The following STAU2 variants were observed in gnomAD, a reference collection of about 807,000 sequenced individuals.
STAU2 encodes the protein double-stranded RNA-binding protein Staufen homolog 2.
Under a neutral mutation model 65.9 loss-of-function variants are expected in STAU2, and 20 were observed. The observed-to-expected ratio is 0.30, with a 90% CI of 0.21 to 0.44. The LOEUF (loss-of-function observed/expected upper bound fraction) is 0.44, where lower values mean the gene tolerates loss of function less well. STAU2 is among the 20% of genes least tolerant of loss of function. The pLI, the probability that STAU2 is intolerant of heterozygous loss-of-function variation, is 1.00. For missense variants in STAU2, 558 were observed against 683.9 expected (o/e 0.82, Z 2.05); for synonymous variants, 232 against 233.9 (o/e 0.99, Z 0.07).
At chr8:73,717,397 T>C (rs1227256441) in intron 3 of STAU2, among the ~76,000 whole-genome samples, 1 of 152,234 alleles carries the variant, frequency 6.6e-6, no homozygotes. Context: ...ATTATAGTTT[T>C]AGGTTTTACA....
At chr8:73,739,648 T>C in intron 2 of STAU2, 108 bp downstream of exon 2, 1 of 986,822 alleles carries the variant, frequency 1.0e-6, no homozygotes, top group Non-Finnish European at 1.4e-6. Context: ...CAATTTTTAT[T>C]TATTTTCTAA....
intron 13 of STAU2, among the ~76,000 whole-genome samples, chr8:73,502,315 A>C (rs1821807496): frequency 6.6e-6 from 1 of 151,956 alleles, no homozygotes; most frequent in Non-Finnish European, 1.5e-5. Flanking sequence ...CTTCATATTA[A>C]CTGTTGATAC....
Position 73,709,040 on chromosome 8 carries a change from G to A in STAU2, c.106C>T (p.His36Tyr), listed in dbSNP as rs1285599181. ...YKLLNERGPA[H>Y]SKMFSVQLSL... is the part of the protein sequence containing the mutation. ...TCTCTTCATAACCTTACCTTTGAATGAGCAGGCCCTCTTTCATTCAGAAGT... is the reference window on the plus strand; with the variant it reads ...TCTCTTCATAACCTTACCTTTGAATAAGCAGGCCCTCTTTCATTCAGAAGT... The change falls in exon 4 of 15, where the codon CAT (histidine) becomes TAT (tyrosine). Residue 36 changes from histidine to tyrosine, a missense_variant. Physicochemically the swap from His to Tyr is moderately conservative, Grantham distance 83. Coordinates refer to ENST00000524300, the MANE Select transcript of STAU2 (RefSeq NM_001164380.2). The A allele has an allele frequency of 2.0e-6, 3 of 1,526,744 alleles. No homozygotes were observed. Among genetic ancestry groups the A allele is most frequent in the Non-Finnish European group, 2.6e-6 (3 of 1,142,326 alleles). 94.6% of individuals were successfully genotyped at this position (1,526,744 alleles called of 1,614,324 possible).
At chr8:73,684,108 T>C (rs1246571007) in intron 5 of STAU2, among the ~76,000 whole-genome samples, 6 of 152,118 alleles carry the variant, frequency 3.9e-5, no homozygotes, top group African/African-American at 1.4e-4. Flanking sequence ...GAAAAAACAA[T>C]GCTAAAATTC....
chr8:73,746,445 C>A (rs1365006773), intron 1 of STAU2, among the ~76,000 whole-genome samples: 3 of 151,944 alleles, frequency 2.0e-5, no homozygotes, highest in Non-Finnish European at 4.4e-5. Flanking sequence ...CCTGTCTCCC[C>A]GACCTCCGCA....
At chr8:73,598,112 G>GAC (rs1439335793) in intron 10 of STAU2, among the ~76,000 whole-genome samples, 1 of 151,976 alleles carries the variant, frequency 6.6e-6, no homozygotes, top group African/African-American at 2.4e-5. Flanking sequence ...AAAGATTCAT[G>GAC]ACAAAGTTAG....
chr8:73,634,015 T>C (rs886124923), intron 6 of STAU2, among the ~76,000 whole-genome samples: 4 of 151,920 alleles, frequency 2.6e-5, no homozygotes, highest in Admixed American at 1.3e-4. Flanking sequence ...GCACAAAAAC[T>C]AGCACAGGTT....
chr8:73,569,809 C>T (rs1317817762), intron 12 of STAU2, among the ~76,000 whole-genome samples: 4 of 152,132 alleles, frequency 2.6e-5, no homozygotes, highest in East Asian at 3.9e-4. Flanking sequence ...CCCATCTGTA[C>T]GTCACCATCA....
intron 13 of STAU2, among the ~76,000 whole-genome samples, chr8:73,464,600 GCACA>G (rs770126004): frequency 3.6e-3 from 362 of 101,896 alleles, no homozygotes; most frequent in African/African-American, 0.012. Context: ...GTGTGCACGC[GCACA>G]CACACACACA....
intron 12 of STAU2, among the ~76,000 whole-genome samples, chr8:73,577,725 C>T (rs888676445): frequency 6.6e-6 from 1 of 152,094 alleles, no homozygotes; most frequent in African/African-American, 2.4e-5. Flanking sequence ...TCTGTTTCCC[C>T]AACAGTTGGA....
intron 12 of STAU2, among the ~76,000 whole-genome samples, chr8:73,577,884 G>A (rs1287274378): frequency 6.6e-6 from 1 of 151,766 alleles, no homozygotes; most frequent in African/African-American, 2.4e-5. Context: ...TGGCCATTGG[G>A]GTGTTTGCCT....
intron 4 of STAU2, among the ~76,000 whole-genome samples, chr8:73,701,893 C>G (rs941964283): frequency 6.6e-6 from 1 of 151,950 alleles, no homozygotes. Context: ...ACTATTCAGC[C>G]ATAAAAAAGA....
At chr8:73,482,895 T>G (rs1820708273) in intron 13 of STAU2, among the ~76,000 whole-genome samples, 1 of 148,950 alleles carries the variant, frequency 6.7e-6, no homozygotes, top group Admixed American at 6.6e-5. Context: ...ACAGATGCTA[T>G]TTAACCAACT....
At chr8:73,709,859 T>C (rs891650333) in intron 3 of STAU2, among the ~76,000 whole-genome samples, 6 of 152,128 alleles carry the variant, frequency 3.9e-5, no homozygotes, top group Non-Finnish European at 8.8e-5. Context: ...TTGATGTATG[T>C]GGTTCTAGAC....
intron 13 of STAU2, among the ~76,000 whole-genome samples, chr8:73,493,316 T>C (rs1821237095): frequency 6.6e-6 from 1 of 151,396 alleles, no homozygotes; most frequent in South Asian, 2.1e-4. Flanking sequence ...TGAAAACACA[T>C]TGATAAGAAA....
chr8:73,503,335 A>G lies in STAU2; in HGVS notation c.1530+48677T>C, dbSNP rs147577738. ...GTCAAATTTTAAAACCTCCAAATCA[A>G]TGAGGCTTAAAGTAATAGCAGGGCT... On this transcript the variant is annotated intron_variant, in intron 13 of 14. Transcript: ENST00000524300. Among the ~76,000 whole-genome samples the G allele has an allele frequency of 8.5e-4, 130 of 152,252 alleles. 3 individuals are homozygous for G. Among genetic ancestry groups the G allele is most frequent in the African/African-American group, 2.8e-3 (118 of 41,570 alleles).
intron 13 of STAU2, among the ~76,000 whole-genome samples, chr8:73,538,069 C>A (rs906983983): frequency 1.3e-5 from 2 of 152,220 alleles, no homozygotes; most frequent in East Asian, 3.9e-4. Flanking sequence ...TTGTGAAAGA[C>A]CAAAGAACTG....
At chr8:73,637,175 T>TA (rs57995249) in intron 6 of STAU2, among the ~76,000 whole-genome samples, 37 of 148,836 alleles carry the variant, frequency 2.5e-4, no homozygotes, top group African/African-American at 7.6e-4. Flanking sequence ...TAATTAAAAT[T>TA]AAAAAAAAGG....
chr8:73,733,449 T>C (rs1238590653), intron 3 of STAU2, among the ~76,000 whole-genome samples: 1 of 152,216 alleles, frequency 6.6e-6, no homozygotes, highest in Non-Finnish European at 1.5e-5. Flanking sequence ...ATGAGTTCCT[T>C]TTCCCGGGGG....
Sources: allele counts gnomAD v4.1 joint callset (sites outside exome capture counted in the v4.1 genomes callset), GRCh38; gene constraint gnomAD v4.1.1; transcripts MANE v1.5; gene names NCBI Gene and HGNC (gene_info 2026-07-23, HGNC 2026-07-21).